RGS10: variants seen among roughly 807,000 people sequenced by gnomAD.
RGS10 encodes the protein regulator of G protein signaling 10.
A neutral mutation model predicts 23.5 loss-of-function variants in RGS10; 11 were observed. The ratio of observed to expected loss-of-function variants is 0.47; its 90% CI spans 0.29 to 0.77. RGS10 has a LOEUF of 0.77. Among genes scored for constraint, RGS10 ranks in the 30% least tolerant of loss-of-function variants. The probability of loss-of-function intolerance (pLI) is 0.08; values close to 1 mark genes in which losing one functional copy is unlikely to be tolerated. For missense variants in RGS10, 180 were observed against 226.3 expected (o/e 0.80, Z 1.31); for synonymous variants, 77 against 83.2 (o/e 0.92, Z 0.41).
chr10:119,507,911 G>T (rs1249674221), intron 4 of RGS10, among the ~76,000 whole-genome samples: 2 of 152,026 alleles, frequency 1.3e-5, no homozygotes, highest in Non-Finnish European at 2.9e-5. Context: ...AGTGGAGAAG[G>T]CCACCTCATC....
chr10:119,541,991 A>C (rs1288473304), intron 1 of RGS10, among the ~76,000 whole-genome samples: 1 of 152,230 alleles, frequency 6.6e-6, no homozygotes, highest in Non-Finnish European at 1.5e-5. Context: ...AGGCTGGCCC[A>C]AAGTGACGGC....
rs113982526 is a variant in RGS10 at position 119,529,702 on chromosome 10, T to A, written c.50-2278A>T. On this transcript the variant is annotated intron_variant, in intron 1 of 4. Transcript: ENST00000369103. ...CTATCAAGCAAACTACTTCTATAAC[T>A]AACACTTTTTTCCCCATTGACTTTT... Among the ~76,000 whole-genome samples the A allele has an allele frequency of 7.1e-3, 1,086 of 152,292 alleles. 7 individuals are homozygous for A. The highest frequency in any genetic ancestry group is 0.011 in the Non-Finnish European group (772 of 68,020).
At chr10:119,513,041 G>A (rs1442906325) in intron 4 of RGS10, among the ~76,000 whole-genome samples, 2 of 152,156 alleles carry the variant, frequency 1.3e-5, no homozygotes, top group African/African-American at 4.8e-5. Flanking sequence ...AATACTATTT[G>A]GTGGTTATCT....
chr10:119,505,234 G>A (rs1186384091), intron 4 of RGS10, among the ~76,000 whole-genome samples: 1 of 151,974 alleles, frequency 6.6e-6, no homozygotes, highest in Non-Finnish European at 1.5e-5. Context: ...TGGAAGACAC[G>A]GGAACAGAGC....
chr10:119,512,668 C>A (rs1844092133), intron 4 of RGS10, among the ~76,000 whole-genome samples: 1 of 152,156 alleles, frequency 6.6e-6, no homozygotes, highest in African/African-American at 2.4e-5. Context: ...CTGCCTCAGC[C>A]TCCCGAGTAA....
intron 1 of RGS10, among the ~76,000 whole-genome samples, chr10:119,532,701 A>G (rs1490914518): frequency 6.6e-6 from 1 of 151,966 alleles, no homozygotes; most frequent in Non-Finnish European, 1.5e-5. Flanking sequence ...ATTAGCCTGG[A>G]GTGGTGGTGC....
At chr10:119,526,971 C>A (rs1844282936) in intron 2 of RGS10, among the ~76,000 whole-genome samples, 1 of 152,118 alleles carries the variant, frequency 6.6e-6, no homozygotes, top group South Asian at 2.1e-4. Flanking sequence ...CACGAGAGAA[C>A]AAGCCTTCAC....
At chr10:119,537,010 T>C (rs1844394695) in intron 1 of RGS10, among the ~76,000 whole-genome samples, 1 of 152,138 alleles carries the variant, frequency 6.6e-6, no homozygotes, top group South Asian at 2.1e-4. Context: ...AAGTATATAT[T>C]TTATAGTGAT....
chr10:119,506,820 C>A (rs1259814000), intron 4 of RGS10, among the ~76,000 whole-genome samples: 1 of 152,226 alleles, frequency 6.6e-6, no homozygotes, highest in Non-Finnish European at 1.5e-5. Flanking sequence ...CCTGCCTCAG[C>A]CTCCCAAGTA....
At chr10:119,514,561 G>A (rs1844118954) in intron 4 of RGS10, among the ~76,000 whole-genome samples, 1 of 151,224 alleles carries the variant, frequency 6.6e-6, no homozygotes, top group Admixed American at 6.6e-5. Context: ...AGGAGGCTGA[G>A]GCATGAGAAT....
chr10:119,534,009 C>G (rs1464872891), intron 1 of RGS10, among the ~76,000 whole-genome samples: 2 of 152,020 alleles, frequency 1.3e-5, no homozygotes, highest in African/African-American at 4.8e-5. Flanking sequence ...AATCCCAGCA[C>G]TTTGGGAGGC....
intron 3 of RGS10, among the ~76,000 whole-genome samples, chr10:119,523,166 C>T (rs1284168886): frequency 6.6e-6 from 1 of 152,080 alleles, no homozygotes; most frequent in Non-Finnish European, 1.5e-5. Context: ...GGCGAGCTGC[C>T]GCTTAACCAC....
In RGS10 at chr10:119,527,460, C is replaced by T. The variant is rs767965587; in HGVS notation, c.50-36G>A. On this transcript the variant is annotated intron_variant, in intron 1 of 4. Transcript: ENST00000369103. This position sits in a 1 kb window ranked among gnomAD's most constrained non-coding sequence, Gnocchi z 4.2. ...AAGTTCAGACTGCATATGTGGCCAA[C>T]AGACACTGTCATTTTAAGAAATCTG... is the stretch of plus-strand genomic sequence containing the variant. 8.7e-6 allele frequency: 13 copies of T among 1,494,466 alleles called. No individual in the cohort carries two copies. The highest frequency in any genetic ancestry group is 5.0e-5 in the Admixed American group (3 of 59,570). The allele number at this position is 1,494,466 out of a possible 1,614,324, so 92.6% of individuals were successfully genotyped here.
chr10:119,533,263 C>T (rs893506365), intron 1 of RGS10, among the ~76,000 whole-genome samples: 3 of 149,814 alleles, frequency 2.0e-5, no homozygotes, highest in African/African-American at 4.9e-5. Flanking sequence ...ACCCGGGAGG[C>T]GGAAGTTGCA....
chr10:119,537,909 T>C (rs1844404120), intron 1 of RGS10, among the ~76,000 whole-genome samples: 1 of 152,164 alleles, frequency 6.6e-6, no homozygotes, highest in Non-Finnish European at 1.5e-5. Flanking sequence ...TGTGGTGTAA[T>C]AGTCTTCCTC....
At chr10:119,518,750 G>A (rs1256187169) in intron 3 of RGS10, among the ~76,000 whole-genome samples, 3 of 151,578 alleles carry the variant, frequency 2.0e-5, no homozygotes, top group Non-Finnish European at 4.4e-5. Flanking sequence ...TGTCGCCCAG[G>A]CTGGAGTGCA....
At chr10:119,504,073 C>T (rs1843983106) in intron 4 of RGS10, among the ~76,000 whole-genome samples, 2 of 152,214 alleles carry the variant, frequency 1.3e-5, no homozygotes, top group African/African-American at 4.8e-5. Context: ...ACAATAAAAA[C>T]GAGGGCTGCA....
At chr10:119,536,457 TCCTTA>T in intron 1 of RGS10, 1 of 1,613,106 alleles carries the variant, frequency 6.2e-7, no homozygotes, top group Non-Finnish European at 8.5e-7. Context: ...TGGGGGCGAT[TCCTTA>T]CGTTCCATGC....
intron 1 of RGS10, among the ~76,000 whole-genome samples, chr10:119,534,136 T>TC (rs1276500355): frequency 6.6e-6 from 1 of 151,508 alleles, no homozygotes; most frequent in Non-Finnish European, 1.5e-5. Flanking sequence ...ACTCCTGTAA[T>TC]CCCCAGCTAC....
Sources: gnomAD v4.1 joint callset for allele counts (sites outside exome capture counted in the v4.1 genomes callset) on GRCh38, gnomAD v4.1.1 for gene constraint, Gnocchi (gnomAD v3.1) non-coding constraint, MANE v1.5 for transcripts, NCBI Gene and HGNC (gene_info 2026-07-23, HGNC 2026-07-21) for gene names.